The following KIF26B variants were observed in gnomAD, a reference collection of about 807,000 sequenced individuals.
KIF26B encodes the protein kinesin-like protein KIF26B.
Under a neutral mutation model 151.2 loss-of-function variants are expected in KIF26B, and 63 were observed. That is an observed-to-expected ratio of 0.42 (90% CI 0.34 to 0.51). KIF26B has a LOEUF of 0.51. KIF26B is among the 20% of genes least tolerant of loss of function. The pLI, the probability that KIF26B is intolerant of heterozygous loss-of-function variation, is 0.07. For missense variants in KIF26B, 2,813 were observed against 2,913.6 expected (o/e 0.97, Z 0.79); for synonymous variants, 1,357 against 1,262.1 (o/e 1.08, Z -1.59).
chr1:245,181,111 C>T (rs1668898440), intron 2 of KIF26B, among the ~76,000 whole-genome samples: 1 of 152,290 alleles, frequency 6.6e-6, no homozygotes, highest in Middle Eastern at 3.4e-3. Flanking sequence ...ATTAAAGTTT[C>T]GTGCCATTAT....
In KIF26B at chr1:245,701,620, C is replaced by T. The variant is rs549832618; in HGVS notation, c.6179-838C>T. Among the ~76,000 whole-genome samples, 132 of 152,212 alleles carry T rather than the reference C, an allele frequency of 8.7e-4. No homozygotes were observed. The Middle Eastern group carries it at 0.01, about 12-fold the overall frequency. The stretch of plus-strand genomic sequence containing the variant: ...CACGGCATCGTTTTCAAATCAAGTT[C>T]GTGTTCATTATTATCTCATTTTATT... On this transcript the variant is annotated intron_variant, in intron 14 of 14. Transcript: ENST00000407071.
chr1:245,244,824 C>T lies in KIF26B; in HGVS notation c.465+88141C>T, dbSNP rs1670289037. On this transcript the variant is annotated intron_variant, in intron 2 of 14. Transcript: ENST00000407071. The surrounding 1 kb of genome is among the most constrained non-coding windows in gnomAD (Gnocchi z 4.2). ...CTTTGGACTTGGATACTTCCTAGTCCTCCTGTTATTCCTATGAACGATTCC... is the reference window on the plus strand; with the variant it reads ...CTTTGGACTTGGATACTTCCTAGTCTTCCTGTTATTCCTATGAACGATTCC... Among the ~76,000 whole-genome samples the T allele has an allele frequency of 1.3e-5, 2 of 150,598 alleles. No individual in the cohort carries two copies. The highest frequency in any genetic ancestry group is 3.0e-5 in the Non-Finnish European group (2 of 67,718).
chr1:245,449,183 C>T (rs1008022992), intron 4 of KIF26B, among the ~76,000 whole-genome samples: 3 of 152,294 alleles, frequency 2.0e-5, no homozygotes, highest in Non-Finnish European at 2.9e-5. Context: ...CAGCTGCCAT[C>T]GGCATCAAAG....
At chr1:245,195,408 A>G (rs541572588) in intron 2 of KIF26B, among the ~76,000 whole-genome samples, 8 of 152,308 alleles carry the variant, frequency 5.3e-5, no homozygotes, top group African/African-American at 1.7e-4. Context: ...ATGGTGGGCA[A>G]CCTTGTTCCC....
intron 9 of KIF26B, among the ~76,000 whole-genome samples, chr1:245,621,805 A>T (rs1302042363): frequency 6.6e-6 from 1 of 152,256 alleles, no homozygotes; most frequent in Non-Finnish European, 1.5e-5. Context: ...GAAATTCACA[A>T]TTCTGTGCCT....
intron 2 of KIF26B, among the ~76,000 whole-genome samples, chr1:245,294,732 G>A (rs760596576): frequency 3.9e-5 from 6 of 152,030 alleles, no homozygotes; most frequent in African/African-American, 9.7e-5. Flanking sequence ...GCATGATCTC[G>A]GCTCACTGCA....
At chr1:245,175,943 T>G (rs1315810841) in intron 2 of KIF26B, among the ~76,000 whole-genome samples, 1 of 123,026 alleles carries the variant, frequency 8.1e-6, no homozygotes, top group African/African-American at 3.5e-5. Flanking sequence ...GATGTCTATA[T>G]ATATAGATAT....
At chr1:245,276,395 C>G (rs1437560117) in intron 2 of KIF26B, among the ~76,000 whole-genome samples, 1 of 152,086 alleles carries the variant, frequency 6.6e-6, no homozygotes, top group Non-Finnish European at 1.5e-5. Context: ...CTTTTCCTCC[C>G]CAGGGAGAAG....
intron 9 of KIF26B, among the ~76,000 whole-genome samples, chr1:245,636,544 T>C (rs1259317570): frequency 4.0e-5 from 6 of 151,790 alleles, no homozygotes; most frequent in Non-Finnish European, 7.4e-5. Flanking sequence ...GTTGGGAATG[T>C]TTATTATTAA....
intron 4 of KIF26B, among the ~76,000 whole-genome samples, chr1:245,494,893 A>G (rs1180945989): frequency 6.6e-6 from 1 of 151,886 alleles, no homozygotes; most frequent in Non-Finnish European, 1.5e-5. Flanking sequence ...TACAAAAATT[A>G]GCCAGGCATG....
intron 4 of KIF26B, among the ~76,000 whole-genome samples, chr1:245,503,674 G>C (rs567181791): frequency 4.3e-4 from 66 of 152,318 alleles, no homozygotes; most frequent in African/African-American, 1.5e-3. Flanking sequence ...ATGACTGTCC[G>C]TATCGGAGAG....
chr1:245,391,578 G>A (rs10924188), intron 3 of KIF26B, among the ~76,000 whole-genome samples: 15,071 of 151,446 alleles, frequency 0.1, 939 homozygotes, highest in East Asian at 0.23. Flanking sequence ...GATCACTTGG[G>A]GCCAGGGGTT....
At chr1:245,506,586 T>C (rs1281021589) in intron 4 of KIF26B, among the ~76,000 whole-genome samples, 1 of 152,190 alleles carries the variant, frequency 6.6e-6, no homozygotes, top group Non-Finnish European at 1.5e-5. Context: ...AGTCACAGCA[T>C]CATAGAATAC....
intron 2 of KIF26B, among the ~76,000 whole-genome samples, chr1:245,183,650 G>A (rs1189671338): frequency 6.6e-6 from 1 of 152,202 alleles, no homozygotes; most frequent in East Asian, 1.9e-4. Context: ...ACATGAGCAA[G>A]CTGGAGTTGG....
chr1:245,646,009 C>T (rs937548246), intron 9 of KIF26B, 112 bp from the exon 10 acceptor site: 4 of 1,180,184 alleles, frequency 3.4e-6, no homozygotes, highest in Middle Eastern at 2.6e-4. Context: ...GAACGTCAAC[C>T]TTTTACTTCC....
In KIF26B at chr1:245,685,446, A is replaced by C; in HGVS notation, c.2463A>C (p.Glu821Asp). Reference protein sequence around the residue: ...SSSGGESSCEEGRMRRPTQLR... With the variant: ...SSSGGESSCEDGRMRRPTQLR... ...CCGGCGGGGAGAGCTCCTGCGAAGA[A>C]GGCCGCATGCGCAGGCCCACCCAGC... Residue 821 changes from glutamate to aspartate, a missense_variant, in exon 12 of 15, where the codon GAA becomes GAC. Physicochemically the swap from Glu to Asp is conservative, Grantham distance 45. Transcript: ENST00000407071. The C allele has an allele frequency of 6.2e-7, 1 of 1,613,420 alleles. No homozygotes were observed. Among genetic ancestry groups the C allele is most frequent in the Non-Finnish European group, 8.5e-7 (1 of 1,179,688 alleles).
intron 2 of KIF26B, among the ~76,000 whole-genome samples, chr1:245,223,219 A>G (rs2103550183): frequency 6.6e-6 from 1 of 152,346 alleles, no homozygotes; most frequent in African/African-American, 2.4e-5. Context: ...TGAAGCTGAG[A>G]ACCCCTGCTG....
At chr1:245,329,557 A>T (rs1052548916) in intron 2 of KIF26B, among the ~76,000 whole-genome samples, 2 of 151,624 alleles carry the variant, frequency 1.3e-5, no homozygotes, top group African/African-American at 4.8e-5. Flanking sequence ...CAGGGTCCAG[A>T]CCCCTCCCGT....
chr1:245,321,130 G>T lies in KIF26B; in HGVS notation c.466-45704G>T, dbSNP rs936375341. Among the ~76,000 whole-genome samples the T allele has an allele frequency of 8.6e-4, 130 of 150,916 alleles. 1 individual carries two copies. Among genetic ancestry groups the T allele is most frequent in the African/African-American group, 3.0e-3 (123 of 41,250 alleles). ...CACAGAGTCGTTTCACTACCCTAAAGCCCCCTGTTCTCTCTCTATTCATCC... is the reference window on the plus strand; with the variant it reads ...CACAGAGTCGTTTCACTACCCTAAATCCCCCTGTTCTCTCTCTATTCATCC... On this transcript the variant is annotated intron_variant, in intron 2 of 14. Coordinates refer to ENST00000407071, the MANE Select transcript of KIF26B (RefSeq NM_018012.4).
Sources: allele counts gnomAD v4.1 joint callset (sites outside exome capture counted in the v4.1 genomes callset), GRCh38; gene constraint gnomAD v4.1.1; non-coding constraint Gnocchi (gnomAD v3.1); transcripts MANE v1.5; gene names NCBI Gene and HGNC (gene_info 2026-07-23, HGNC 2026-07-21).